The following ECPAS variants were observed in gnomAD, a reference collection of about 807,000 sequenced individuals.
ECPAS encodes proteasome adapter and scaffold protein ECM29.
Under a neutral mutation model 255.1 loss-of-function variants are expected in ECPAS, and 70 were observed. The observed-to-expected ratio is 0.27, with a 90% confidence interval of 0.23 to 0.33. The LOEUF (loss-of-function observed/expected upper bound fraction) is 0.33, where lower values mean the gene tolerates loss of function less well. ECPAS is among the 10% of genes least tolerant of loss of function. ECPAS has a pLI of 1.00. For synonymous variants in ECPAS, 784 were observed against 775.0 expected (o/e 1.01, Z -0.19); for missense variants, 1,817 against 2,206.4 (o/e 0.82, Z 3.54).
intron 10 of ECPAS, among the ~76,000 whole-genome samples, chr9:111,426,288 C>T (rs2098221458): frequency 6.6e-6 from 1 of 151,740 alleles, no homozygotes; most frequent in African/African-American, 2.4e-5. Context: ...GTGCAGCATC[C>T]AGCAAGTTCA....
intron 20 of ECPAS, among the ~76,000 whole-genome samples, chr9:111,413,424 G>A (rs1458567005): frequency 1.3e-5 from 2 of 151,812 alleles, no homozygotes; most frequent in East Asian, 3.9e-4. Flanking sequence ...TAAAAAGATG[G>A]GACAAAAATT....
intron 46 of ECPAS, among the ~76,000 whole-genome samples, chr9:111,367,097 G>A (rs2098121275): frequency 6.6e-6 from 1 of 152,136 alleles, no homozygotes; most frequent in African/African-American, 2.4e-5. Flanking sequence ...AGAGTCAACA[G>A]TGCTTTATTA....
In ECPAS at chr9:111,372,591, T is replaced by C; in HGVS notation, c.4366A>G (p.Thr1456Ala). Reference protein sequence around the residue: ...EPIYKTSCALTIHAIGRYSPD... With the variant: ...EPIYKTSCALAIHAIGRYSPD... ...CTGTATCGTCCAATAGCATGAATAG[T>C]CAAAGCACAAGAGGTCTTGTAGATA... The change falls in exon 42 of 50, where the codon ACT (threonine) becomes GCT (alanine). Residue 1456 changes from threonine to alanine, a missense_variant. Around this residue, in one of 4 missense-constraint regions of ECPAS, gnomAD observed 960 missense variants for 1,179.0 expected, o/e 0.81. Transcript: ENST00000684092. The C allele has an allele frequency of 1.2e-6, 2 of 1,613,126 alleles. No homozygotes were observed. Among genetic ancestry groups the C allele is most frequent in the Non-Finnish European group, 1.7e-6 (2 of 1,179,440 alleles).
chr9:111,459,487 A>G (rs13340695), intron 2 of ECPAS, among the ~76,000 whole-genome samples: 4,542 of 152,298 alleles, frequency 0.03, 238 homozygotes, highest in African/African-American at 0.1. Context: ...CACACATTCC[A>G]TCAGCTGGGA....
chr9:111,458,460 T>C (rs1434129655), intron 2 of ECPAS, among the ~76,000 whole-genome samples: 1 of 152,204 alleles, frequency 6.6e-6, no homozygotes, highest in Non-Finnish European at 1.5e-5. Context: ...TTATTCATGG[T>C]GGGACCCTCT....
intron 2 of ECPAS, among the ~76,000 whole-genome samples, chr9:111,466,616 TACACACACACACAC>T (rs55763374): frequency 1.3e-4 from 19 of 143,500 alleles, no homozygotes; most frequent in East Asian, 1.0e-3. Context: ...AATAACTAAA[TACACACACACACAC>T]ACACACACAC....
At chr9:111,415,828 T>C (rs960122792) in intron 18 of ECPAS, among the ~76,000 whole-genome samples, 3 of 152,158 alleles carry the variant, frequency 2.0e-5, no homozygotes, top group Non-Finnish European at 2.9e-5. Context: ...TCACTGTGAA[T>C]ATTCTTAATC....
chr9:111,446,026 C>T (rs992338088), intron 3 of ECPAS, among the ~76,000 whole-genome samples: 4 of 152,198 alleles, frequency 2.6e-5, no homozygotes, highest in Admixed American at 2.6e-4. Flanking sequence ...TTTATGGCTG[C>T]ATAGTAGTCC....
chr9:111,383,968 T>TATCATC (rs55718434), intron 34 of ECPAS, among the ~76,000 whole-genome samples: 10,721 of 150,918 alleles, frequency 0.071, 492 homozygotes, highest in East Asian at 0.2. Flanking sequence ...TTTGAAGTGT[T>TATCATC]ATCATCATCA....
intron 7 of ECPAS, among the ~76,000 whole-genome samples, chr9:111,434,959 C>T (rs2098235770): frequency 7.4e-6 from 1 of 134,652 alleles, no homozygotes; most frequent in South Asian, 2.3e-4. Context: ...AGTGTCATGG[C>T]ACAATGTCAG....
At chr9:111,465,751 C>G (rs999726079) in intron 2 of ECPAS, among the ~76,000 whole-genome samples, 1 of 151,668 alleles carries the variant, frequency 6.6e-6, no homozygotes, top group African/African-American at 2.4e-5. Context: ...AGCATACAGG[C>G]CAGCATATGC....
At chr9:111,452,496 C>T (rs2098261609) in intron 2 of ECPAS, among the ~76,000 whole-genome samples, 1 of 152,030 alleles carries the variant, frequency 6.6e-6, no homozygotes, top group Non-Finnish European at 1.5e-5. Context: ...GGCGAAATAA[C>T]AGCTAGTAGA....
chr9:111,434,212 T>G (rs1404799136), intron 7 of ECPAS, among the ~76,000 whole-genome samples: 1 of 152,176 alleles, frequency 6.6e-6, no homozygotes, highest in African/African-American at 2.4e-5. Context: ...TTCCCTCCCC[T>G]GCTCGATACA....
At chr9:111,480,767 T>C (rs2098303548) in intron 1 of ECPAS, among the ~76,000 whole-genome samples, 1 of 152,146 alleles carries the variant, frequency 6.6e-6, no homozygotes, top group Admixed American at 6.5e-5. Flanking sequence ...AGAAACCAAG[T>C]CCACCGATAT....
chr9:111,446,687 CAACA>C (rs765565032), intron 3 of ECPAS, among the ~76,000 whole-genome samples: 1 of 152,194 alleles, frequency 6.6e-6, no homozygotes, highest in Non-Finnish European at 1.5e-5. Flanking sequence ...ACGATTCTCA[CAACA>C]ACCAGTGAGG....
At chr9:111,440,560 A>G (rs1459998217) in intron 5 of ECPAS, 39 bp from the exon 6 acceptor site, 1 of 1,483,062 alleles carries the variant, frequency 6.7e-7, no homozygotes, top group Non-Finnish European at 9.1e-7. Flanking sequence ...TACTTAAAAA[A>G]TGAGATTTTT....
intron 7 of ECPAS, among the ~76,000 whole-genome samples, chr9:111,435,970 T>C (rs955104797): frequency 6.6e-6 from 1 of 150,724 alleles, no homozygotes; most frequent in Non-Finnish European, 1.5e-5. Context: ...TTACAGGCAT[T>C]AGCCACTGCG....
Position 111,414,526 on chromosome 9 carries a change from G to A in ECPAS, c.1890C>T (p.Ser630=), listed in dbSNP as rs763002430. 63 of 1,613,846 alleles carry A rather than the reference G, an allele frequency of 3.9e-5. No homozygotes were observed. The highest frequency in any genetic ancestry group is 4.8e-5 in the Non-Finnish European group (57 of 1,179,868). ...IGRYIRTLMS[S]GQMAPSSSNK... The stretch of plus-strand genomic sequence containing the variant: ...TAGATGATGAGGGTGCCATCTGCCC[G>A]CTTGACATTAAAGTCCGTATGTAGC... The change falls in exon 19 of 50, where the codon AGC becomes AGT. Residue 630 remains serine (S), a synonymous_variant. Transcript: ENST00000684092.
chr9:111,375,987 A>G (rs1334210529), intron 37 of ECPAS, among the ~76,000 whole-genome samples: 1 of 152,232 alleles, frequency 6.6e-6, no homozygotes, highest in Admixed American at 6.5e-5. Flanking sequence ...GACTCCAGGA[A>G]GTTTAGAAAT....
Sources: allele counts gnomAD v4.1 joint callset (sites outside exome capture counted in the v4.1 genomes callset), GRCh38; gene constraint gnomAD v4.1.1; regional missense constraint gnomAD v4.1.1; transcripts MANE v1.5; gene names NCBI Gene and HGNC (gene_info 2026-07-23, HGNC 2026-07-21).